The following ZNF529 variants were observed in gnomAD, a reference collection of about 807,000 sequenced individuals.
ZNF529 encodes the protein zinc finger protein 529.
In ZNF529, 11 loss-of-function variants were observed where a neutral mutation model predicts 10.1. That is an observed-to-expected ratio of 1.09 (90% confidence interval 0.69 to 1.81). The LOEUF is 1.81. ZNF529 is among the 40% of genes most tolerant of loss of function. ZNF529 has a pLI of 0.00. For missense variants in ZNF529, 624 were observed against 666.8 expected (o/e 0.94, Z 0.71); for synonymous variants, 204 against 215.7 (o/e 0.95, Z 0.47).
At chr19:36,571,777 G>T (rs1252145545) in intron 2 of ZNF529, among the ~76,000 whole-genome samples, 3 of 148,926 alleles carry the variant, frequency 2.0e-5, no homozygotes, top group African/African-American at 7.5e-5. Context: ...AGACACCACT[G>T]TATCAGGCTG....
chr19:36,584,882 G>A (rs539331012), intron 2 of ZNF529, among the ~76,000 whole-genome samples: 14 of 152,188 alleles, frequency 9.2e-5, no homozygotes, highest in African/African-American at 2.4e-4. Flanking sequence ...AGTAACTTCC[G>A]ATAGTAAAGC....
intron 2 of ZNF529, among the ~76,000 whole-genome samples, chr19:36,567,002 C>A (rs1199399070): frequency 1.3e-5 from 2 of 149,348 alleles, no homozygotes; most frequent in Non-Finnish European, 3.0e-5. Flanking sequence ...GGCAACAGAG[C>A]GAGACTGTCT....
rs577073432 is a variant in ZNF529, at chr19:36,571,640, G to A, written c.14+693C>T. Among the ~76,000 whole-genome samples, 241 of 148,258 alleles carry A rather than the reference G, an allele frequency of 1.6e-3. 1 individual carries two copies. The highest frequency in any genetic ancestry group is 5.3e-3 in the African/African-American group (213 of 40,114). On this transcript the variant is annotated intron_variant, in intron 2 of 4. Transcript: ENST00000591340. ...CAGTGAACTGAGATCGCACCATTGC[G>A]CTCCAGCCTGGGCAATAACAGTGAA...
chr19:36,600,934 TACAA>T (rs1239992193), intron 1 of ZNF529, among the ~76,000 whole-genome samples: 1 of 152,130 alleles, frequency 6.6e-6, no homozygotes, highest in Non-Finnish European at 1.5e-5. Flanking sequence ...AAAAATAGGC[TACAA>T]GCAGGGTTTG....
At chr19:36,571,884 C>T (rs1310053290) in intron 2 of ZNF529, among the ~76,000 whole-genome samples, 1 of 151,486 alleles carries the variant, frequency 6.6e-6, no homozygotes, top group Non-Finnish European at 1.5e-5. Flanking sequence ...GAAAAACTCC[C>T]TGCCCTTGTT....
Position 36,547,686 on chromosome 19 carries a change from A to C in ZNF529, c.872T>G (p.Phe291Cys). The C allele has an allele frequency of 6.2e-7, 1 of 1,613,908 alleles. No individual in the cohort carries two copies. Among genetic ancestry groups the C allele is most frequent in the Non-Finnish European group, 8.5e-7 (1 of 1,179,860 alleles). The change falls in exon 5 of 5, where the codon TTT (phenylalanine) becomes TGT (cysteine). Residue 291 changes from phenylalanine (F) to cysteine (C), a missense_variant. Coordinates refer to ENST00000591340, the MANE Select transcript of ZNF529 (RefSeq NM_020951.5). ...TCGAGTAAGTTGTGCATGCACTCTA[A>C]AGGATTTCCCACAGAATGAGCATTC... ...HFECSFCGKS[F>C]RVHAQLTRHQ...
At chr19:36,574,304 G>T (rs1311192632), upstream of ZNF529, among the ~76,000 whole-genome samples, 1 of 152,196 alleles carries the variant, frequency 6.6e-6, no homozygotes, top group Non-Finnish European at 1.5e-5. Context: ...TTGGCAATGG[G>T]TTGAAAGAGT....
chr19:36,554,631 G>T, intron 4 of ZNF529, 39 bp downstream of exon 4: 1 of 1,483,956 alleles, frequency 6.7e-7, no homozygotes, highest in South Asian at 1.4e-5. Context: ...TGATAGTCTA[G>T]AGAGTATATT....
At chr19:36,579,182 C>T (rs1192526607) in intron 2 of ZNF529, among the ~76,000 whole-genome samples, 3 of 149,300 alleles carry the variant, frequency 2.0e-5, no homozygotes, top group Non-Finnish European at 3.0e-5. Flanking sequence ...GCCTGGGAGA[C>T]AGAGTGAGAC....
rs560009461 is a variant in ZNF529 at position 36,544,631 on chromosome 19, C to T, written c.*2235G>A. On this transcript the variant is annotated 3_prime_UTR_variant, in exon 5 of 5. Transcript: ENST00000591340. ...AATTTAGTTAGAAATAGAGCTACTA[C>T]TCTATTTCAAAGATATGAAATAGCA... 6.6e-6 allele frequency: 1 copy of T among 152,304 alleles called. No individual in the cohort carries two copies. Among genetic ancestry groups the T allele is most frequent in the African/African-American group, 2.4e-5 (1 of 41,578 alleles). 9.4% of individuals were successfully genotyped at this position (152,304 alleles called of 1,614,324 possible).
At chr19:36,553,048 ACT>A (rs929406031) in intron 4 of ZNF529, among the ~76,000 whole-genome samples, 11 of 152,138 alleles carry the variant, frequency 7.2e-5, no homozygotes, top group South Asian at 2.1e-4. Context: ...GTACCTAAAT[ACT>A]CTCTGTTGTA....
chr19:36,579,318 A>G (rs2145236415), intron 2 of ZNF529, among the ~76,000 whole-genome samples: 1 of 152,352 alleles, frequency 6.6e-6, no homozygotes, highest in South Asian at 2.1e-4. Context: ...CTATAGTAGT[A>G]TCAGATAATA....
In ZNF529 at chr19:36,547,743, A is replaced by C; in HGVS notation, c.815T>G (p.Leu272Arg). Residue 272 changes from leucine to arginine, a missense_variant, in exon 5 of 5, where the codon CTT (leucine) becomes CGT (arginine). Physicochemically the swap from Leu to Arg is moderately radical, Grantham distance 102. Transcript: ENST00000591340. The part of the protein sequence containing the change: ...TFERVGKVTP[L>R]QRVHDGEKHF... ...TTTCTCACCATCATGAACTCTTTGA[A>C]GTGGAGTAACTTTTCCAACTCTTTC... 1 of 1,613,700 alleles carries C rather than the reference A, an allele frequency of 6.2e-7. No individual in the cohort carries two copies. The highest frequency in any genetic ancestry group is 8.5e-7 in the Non-Finnish European group (1 of 1,179,778).
chr19:36,555,694 A>G (rs2035441616), intron 3 of ZNF529, among the ~76,000 whole-genome samples: 1 of 152,232 alleles, frequency 6.6e-6, no homozygotes, highest in Non-Finnish European at 1.5e-5. Flanking sequence ...TAGGTTAGAG[A>G]AGGTCTTCTC....
At chr19:36,598,898 T>C (rs2085814935) in intron 1 of ZNF529, among the ~76,000 whole-genome samples, 1 of 152,208 alleles carries the variant, frequency 6.6e-6, no homozygotes, top group Admixed American at 6.5e-5. Context: ...TGCTCTTTCT[T>C]ATAAAGCTAA....
At chr19:36,588,766 C>T (rs1208119852) in intron 2 of ZNF529, among the ~76,000 whole-genome samples, 1 of 152,102 alleles carries the variant, frequency 6.6e-6, no homozygotes, top group Non-Finnish European at 1.5e-5. Context: ...TGAAGTCTTG[C>T]CTATTCTGTG....
chr19:36,569,978 T>C (rs559629486), intron 2 of ZNF529, among the ~76,000 whole-genome samples: 9 of 152,248 alleles, frequency 5.9e-5, no homozygotes, highest in Non-Finnish European at 1.3e-4. Context: ...GGTAAATACC[T>C]GTATCCATCT....
chr19:36,573,674 C>T (rs1359724370), upstream of ZNF529: 3 of 343,564 alleles, frequency 8.7e-6, no homozygotes, highest in Non-Finnish European at 1.8e-5. Flanking sequence ...GAAGCCCGGG[C>T]CGGGGAGGGT....
At chr19:36,602,486 CCA>C (rs2036942223) in intron 1 of ZNF529, among the ~76,000 whole-genome samples, 1 of 150,848 alleles carries the variant, frequency 6.6e-6, no homozygotes, top group Non-Finnish European at 1.5e-5. Context: ...AAAGTTAAAA[CCA>C]ATCAGTTCAC....
Sources: gnomAD v4.1 joint callset for allele counts (sites outside exome capture counted in the v4.1 genomes callset) on GRCh38, gnomAD v4.1.1 for gene constraint, MANE v1.5 for transcripts, NCBI Gene and HGNC (gene_info 2026-07-23, HGNC 2026-07-21) for gene names.